PCDH10: variants seen among roughly 807,000 people sequenced by gnomAD.
The protein encoded by PCDH10 is protocadherin-10.
Under a neutral mutation model 74.4 loss-of-function variants are expected in PCDH10, and 15 were observed. The observed-to-expected ratio is 0.20, with a 90% CI of 0.13 to 0.31. PCDH10 has a LOEUF of 0.31. Among genes scored for constraint, PCDH10 ranks in the 10% least tolerant of loss-of-function variants. The probability of loss-of-function intolerance (pLI) is 1.00; values close to 1 mark genes in which losing one functional copy is unlikely to be tolerated. For synonymous variants in PCDH10, 619 were observed against 589.8 expected (o/e 1.05, Z -0.72); for missense variants, 1,260 against 1,390.2 (o/e 0.91, Z 1.49).
chr4:133,189,134 A>T (rs958367271), intron 4 of PCDH10, among the ~76,000 whole-genome samples: 13 of 152,110 alleles, frequency 8.5e-5, no homozygotes, highest in African/African-American at 2.9e-4. Context: ...GGTTGAGAAG[A>T]TCAACATGTT....
At chr4:133,196,331 G>A (rs1265066055), downstream of PCDH10, among the ~76,000 whole-genome samples, 2 of 152,254 alleles carry the variant, frequency 1.3e-5, no homozygotes, top group African/African-American at 2.4e-5. Context: ...ACTGATTGGA[G>A]GGTTCAGAGA....
intron 2 of PCDH10, among the ~76,000 whole-genome samples, chr4:133,202,660 A>G (rs1235178577): frequency 3.3e-5 from 5 of 152,106 alleles, no homozygotes; most frequent in Admixed American, 2.0e-4. Context: ...AATGTACAGA[A>G]GAAGCCATTT....
chr4:133,178,312 C>G (rs1020275511), intron 4 of PCDH10, among the ~76,000 whole-genome samples: 1 of 151,994 alleles, frequency 6.6e-6, no homozygotes, highest in Non-Finnish European at 1.5e-5. Flanking sequence ...TCTTGGCTCA[C>G]TGCAACCTCT....
chr4:133,162,333 G>A (rs983357237), intron 3 of PCDH10, among the ~76,000 whole-genome samples: 1 of 152,186 alleles, frequency 6.6e-6, no homozygotes, highest in Non-Finnish European at 1.5e-5. Flanking sequence ...GAGTGTCATT[G>A]AGGAATACCT....
chr4:133,201,249 A>G (rs1305405449), intron 2 of PCDH10, among the ~76,000 whole-genome samples: 2 of 152,174 alleles, frequency 1.3e-5, no homozygotes, highest in African/African-American at 2.4e-5. Context: ...TGAAACATTG[A>G]AAGAAAAATA....
chr4:133,202,783 A>T (rs1727928857), intron 2 of PCDH10, among the ~76,000 whole-genome samples: 1 of 152,132 alleles, frequency 6.6e-6, no homozygotes, highest in African/African-American at 2.4e-5. Flanking sequence ...AAAAGCAGTA[A>T]AGGTCCATTG....
Position 133,151,512 on chromosome 4 carries a change from G to A in PCDH10, c.1372G>A (p.Asp458Asn). The change falls in exon 1 of 5, where the codon GAC becomes AAC. Residue 458 changes from aspartate to asparagine, a missense_variant. This residue lies in a region of PCDH10 where 2 missense variants were observed against 17.1 expected (regional missense o/e 0.12). Coordinates refer to ENST00000264360, the MANE Select transcript of PCDH10 (RefSeq NM_032961.3). Reference sequence around the variant, plus strand: ...CCAGGTACAAGTGTCGGATGTGAACGACAACGCGCCGCGTTTCAGCCAGCC... The same window carrying A: ...CCAGGTACAAGTGTCGGATGTGAACAACAACGCGCCGCGTTTCAGCCAGCC... ...SIQVQVSDVN[D>N]NAPRFSQPVY... The A allele has an allele frequency of 6.2e-7, 1 of 1,614,118 alleles. No individual in the cohort carries two copies.
intron 3 of PCDH10, among the ~76,000 whole-genome samples, chr4:133,157,528 A>T (rs887866981): frequency 2.6e-5 from 4 of 152,158 alleles, no homozygotes; most frequent in Admixed American, 6.5e-5. Context: ...TAGGAAAAAA[A>T]CCTTGTGTTA....
chr4:133,199,771 A>C (rs1727865374), intron 2 of PCDH10, among the ~76,000 whole-genome samples: 1 of 144,362 alleles, frequency 6.9e-6, no homozygotes, highest in African/African-American at 2.5e-5. Flanking sequence ...AATTATTATT[A>C]TTATTATTAT....
At chr4:133,195,707 A>C (rs1560717780), downstream of PCDH10, among the ~76,000 whole-genome samples, 1 of 152,144 alleles carries the variant, frequency 6.6e-6, no homozygotes, top group Non-Finnish European at 1.5e-5. Context: ...GTTGAGACTT[A>C]TCAGTGGCCC....
At position 133,152,506 on chromosome 4, in the gene PCDH10, T is replaced by C. The variant is rs1726745462; in HGVS notation, c.2366T>C (p.Leu789Pro). The change falls in exon 1 of 5, where the codon CTG becomes CCG. Residue 789 changes from leucine to proline, a missense_variant. This residue lies in a region of PCDH10 where 587 missense variants were observed against 616.9 expected (regional missense o/e 0.95). Coordinates refer to ENST00000264360, the MANE Select transcript of PCDH10 (RefSeq NM_032961.3). Reference sequence around the variant, plus strand: ...AAACTCAGCAAGTCAGACATCATGCTGGTGCAGAGCTCCAATGTACCCAGT... The same window carrying C: ...AAACTCAGCAAGTCAGACATCATGCCGGTGCAGAGCTCCAATGTACCCAGT... ...KKKLSKSDIM[L>P]VQSSNVPSNP... The C allele has an allele frequency of 6.2e-7, 1 of 1,614,174 alleles. No individual in the cohort carries two copies. Among genetic ancestry groups the C allele is most frequent in the Middle Eastern group, 1.6e-4 (1 of 6,062 alleles).
chr4:133,174,342 G>A (rs1727252482), intron 4 of PCDH10, among the ~76,000 whole-genome samples: 1 of 151,704 alleles, frequency 6.6e-6, no homozygotes, highest in Admixed American at 6.6e-5. Context: ...TCCTAGCTTG[G>A]TAATGTGGAA....
chr4:133,191,606 C>A lies in PCDH10; in HGVS notation c.*1446C>A, dbSNP rs1410964832. 1 of 151,736 alleles carries A rather than the reference C, an allele frequency of 6.6e-6. No homozygotes were observed. Among genetic ancestry groups the A allele is most frequent in the African/African-American group, 2.4e-5 (1 of 41,308 alleles). 9.4% of individuals were successfully genotyped at this position (151,736 alleles called of 1,614,324 possible). A position where few individuals can be genotyped will look rare whatever the true frequency, so the allele number is the denominator to read the frequency against. ...TCCTTTCTTTTATATATTTTTTCTA[C>A]TGTTGTGTATGCCTTGTTAGAACAC... On this transcript the variant is annotated 3_prime_UTR_variant, in exon 5 of 5. Coordinates refer to ENST00000264360, the MANE Select transcript of PCDH10 (RefSeq NM_032961.3).
At chr4:133,206,073 A>C (rs1727997897) in intron 2 of PCDH10, among the ~76,000 whole-genome samples, 1 of 152,112 alleles carries the variant, frequency 6.6e-6, no homozygotes, top group African/African-American at 2.4e-5. Context: ...TCTGTAGGGT[A>C]ATCTGGGTAA....
intron 4 of PCDH10, among the ~76,000 whole-genome samples, chr4:133,167,076 T>C (rs1486851016): frequency 6.6e-6 from 1 of 151,490 alleles, no homozygotes; most frequent in African/African-American, 2.4e-5. Context: ...GACCTAATTT[T>C]ATTTTTGCCA....
At chr4:133,169,859 A>G (rs28670424) in intron 4 of PCDH10, among the ~76,000 whole-genome samples, 32,528 of 151,850 alleles carry the variant, frequency 0.21, 3,708 homozygotes, top group African/African-American at 0.25. Context: ...TCCTTTTAAT[A>G]GAAATTAGAT....
At chr4:133,161,958 A>G (rs1726979206) in intron 3 of PCDH10, among the ~76,000 whole-genome samples, 1 of 152,180 alleles carries the variant, frequency 6.6e-6, no homozygotes, top group African/African-American at 2.4e-5. Flanking sequence ...AGTGCTATAT[A>G]TATCAGCATT....
At chr4:133,177,279 A>G (rs1224963414) in intron 4 of PCDH10, among the ~76,000 whole-genome samples, 1 of 152,138 alleles carries the variant, frequency 6.6e-6, no homozygotes, top group Non-Finnish European at 1.5e-5. Context: ...GTTCTTCACT[A>G]AAATCTTATT....
At chr4:133,199,769 TTATTATTATTATTATTAC>T (rs1727865350) in intron 2 of PCDH10, among the ~76,000 whole-genome samples, 1 of 144,352 alleles carries the variant, frequency 6.9e-6, no homozygotes. Flanking sequence ...TTAATTATTA[TTATTATTATTATTATTAC>T]TATTATTATT....
Sources: allele counts gnomAD v4.1 joint callset (sites outside exome capture counted in the v4.1 genomes callset), GRCh38; gene constraint gnomAD v4.1.1; regional missense constraint gnomAD v4.1.1; transcripts MANE v1.5; gene names NCBI Gene and HGNC (gene_info 2026-07-23, HGNC 2026-07-21).